EXOC6: variants seen among roughly 807,000 people sequenced by gnomAD.
EXOC6 encodes exocyst complex component 6, also known as SEC15-like 1.
EXOC6 carries 60 observed loss-of-function variants against 112.5 expected under a neutral mutation model. The ratio of observed to expected loss-of-function variants is 0.53; its 90% CI spans 0.43 to 0.66. The LOEUF (loss-of-function observed/expected upper bound fraction) is 0.66. Ranked by LOEUF, EXOC6 falls within the 30% of genes least tolerant of loss-of-function variation. The pLI is 0.00. For synonymous variants in EXOC6, 295 were observed against 308.0 expected, an observed-to-expected ratio of 0.96 and a Z score of 0.44; for missense variants, 855 against 957.1, an observed-to-expected ratio of 0.89 and a Z score of 1.41.
rs192166271 is a variant in EXOC6, at chr10:92,917,003, G to A, written c.819+1090G>A. Among the ~76,000 whole-genome samples, 1,170 of 148,950 alleles carry A rather than the reference G, an allele frequency of 7.9e-3. 8 individuals are homozygous for A. The highest frequency in any genetic ancestry group is 9.8e-3 in the Non-Finnish European group (660 of 67,472). On this transcript the variant is annotated intron_variant, in intron 7 of 21. Transcript: ENST00000260762. The stretch of plus-strand genomic sequence containing the variant: ...TTTTGAGACGGGTTCTCACTGTGTC[G>A]CCCAGGCTGGAGTGCAGTGGCGCTA...
chr10:92,955,307 A>G (rs1009148164), intron 16 of EXOC6, among the ~76,000 whole-genome samples: 2 of 152,118 alleles, frequency 1.3e-5, no homozygotes, highest in African/African-American at 4.8e-5. Context: ...TACTTGCTAA[A>G]TGTTTAAGAT....
At chr10:92,888,189 C>G (rs1849323456) in intron 1 of EXOC6, among the ~76,000 whole-genome samples, 2 of 152,176 alleles carry the variant, frequency 1.3e-5, no homozygotes, top group South Asian at 4.1e-4. Flanking sequence ...TTACCCCTCT[C>G]AGGCTTTGGT....
intron 9 of EXOC6, 107 bp from the exon 10 acceptor site, chr10:92,934,037 A>C: frequency 1.5e-6 from 1 of 655,906 alleles, no homozygotes; most frequent in Non-Finnish European, 2.6e-6. Flanking sequence ...CGTGGCATAT[A>C]GTAGACTCTC....
chr10:93,057,157 C>G, intron 21 of EXOC6, 121 bp downstream of exon 21: 1 of 530,570 alleles, frequency 1.9e-6, no homozygotes, highest in Non-Finnish European at 3.2e-6. Flanking sequence ...AAAGCTCACT[C>G]TAGTTTAATG....
intron 6 of EXOC6, among the ~76,000 whole-genome samples, 181 bp from the exon 7 acceptor site, chr10:92,915,565 ATTTTTTTTTTTT>A (rs1172917198): frequency 9.2e-6 from 1 of 109,244 alleles, no homozygotes; most frequent in Admixed American, 1.0e-4. Flanking sequence ...TGAGACCCTG[ATTTTTTTTTTTT>A]TTTTTTTTTT....
intron 18 of EXOC6, among the ~76,000 whole-genome samples, chr10:92,974,540 G>GCTCGTCTCCCTCTCC: frequency 8.9e-6 from 1 of 112,456 alleles, no homozygotes; most frequent in Non-Finnish European, 1.8e-5. Flanking sequence ...TAACACAATT[G>GCTCGTCTCCCTCTCC]CTCGTCTCCC....
At chr10:92,941,403 A>C (rs1852661263) in intron 13 of EXOC6, among the ~76,000 whole-genome samples, 1 of 152,182 alleles carries the variant, frequency 6.6e-6, no homozygotes, top group Non-Finnish European at 1.5e-5. Flanking sequence ...CAGTATACAT[A>C]TATCTGTTTG....
chr10:92,975,459 C>G (rs1214999924), intron 18 of EXOC6, among the ~76,000 whole-genome samples: 1 of 150,202 alleles, frequency 6.7e-6, no homozygotes, highest in Admixed American at 6.6e-5. Flanking sequence ...GCAGCCGCCC[C>G]GTCCGGGAGG....
chr10:92,947,869 A>G (rs941313202), intron 13 of EXOC6, among the ~76,000 whole-genome samples: 1 of 152,114 alleles, frequency 6.6e-6, no homozygotes, highest in African/African-American at 2.4e-5. Context: ...ACACCACTGC[A>G]CTCCAGCCTG....
chr10:92,948,252 T>C, intron 13 of EXOC6, 22 bp from the exon 14 acceptor site: 2 of 1,474,628 alleles, frequency 1.4e-6, no homozygotes, highest in Non-Finnish European at 1.9e-6. Flanking sequence ...ATGATAAGTT[T>C]TCAATTTTCC....
intron 20 of EXOC6, among the ~76,000 whole-genome samples, chr10:93,017,920 G>A (rs754509008): frequency 4.0e-5 from 6 of 150,382 alleles, no homozygotes; most frequent in Admixed American, 2.7e-4. Context: ...TGAGGCAGGG[G>A]AATCACTTGA....
At chr10:92,907,753 A>C (rs944103896) in intron 5 of EXOC6, among the ~76,000 whole-genome samples, 2 of 152,192 alleles carry the variant, frequency 1.3e-5, no homozygotes, top group Non-Finnish European at 2.9e-5. Context: ...AATGTTATGC[A>C]TTACACTGAA....
upstream of EXOC6, among the ~76,000 whole-genome samples, chr10:92,846,463 A>G (rs1042212176): frequency 1.3e-5 from 2 of 152,202 alleles, no homozygotes; most frequent in Admixed American, 6.5e-5. Flanking sequence ...CTCTGGGATT[A>G]TAGGTGTGAG....
chr10:92,902,921 A>C (rs2133850401), intron 5 of EXOC6, among the ~76,000 whole-genome samples: 1 of 152,088 alleles, frequency 6.6e-6, no homozygotes, highest in African/African-American at 2.4e-5. Flanking sequence ...TTATTGCTAG[A>C]ATTTGTTTAT....
At chr10:92,884,666 C>A (rs1475404791) in intron 1 of EXOC6, among the ~76,000 whole-genome samples, 1 of 152,128 alleles carries the variant, frequency 6.6e-6, no homozygotes, top group African/African-American at 2.4e-5. Context: ...AAAGTGTAGA[C>A]ATTATTTTAG....
At chr10:92,896,101 A>ATATATGTGTG (rs1271625409) in intron 4 of EXOC6, among the ~76,000 whole-genome samples, 4 of 35,624 alleles carry the variant, frequency 1.1e-4, no homozygotes, top group African/African-American at 1.5e-4. Context: ...ATATGTGTGT[A>ATATATGTGTG]TATATATGTG....
chr10:92,847,794 G>C (rs990636726), upstream of EXOC6, among the ~76,000 whole-genome samples: 3 of 146,572 alleles, frequency 2.0e-5, no homozygotes, highest in Non-Finnish European at 4.5e-5. Flanking sequence ...GGGGGCACCT[G>C]AGTTCACGGA....
Position 92,934,397 on chromosome 10 carries a change from C to T in EXOC6, c.1107C>T (p.Leu369=), listed in dbSNP as rs747664948. 12 of 1,600,042 alleles carry T rather than the reference C, an allele frequency of 7.5e-6. No homozygotes were observed. The South Asian group carries it at 1.4e-4, about 18-fold the overall frequency. Residue 369 remains leucine (L), a synonymous_variant, in exon 11 of 22, where the codon CTC becomes CTT. Transcript: ENST00000260762. ...AYTDELWNMA[L]SKIIAVLRAH... The stretch of plus-strand genomic sequence containing the variant: ...CTGATGAACTTTGGAACATGGCCCT[C>T]TCAAAGATAATTGCTGTCCTTAGAG...
intron 12 of EXOC6, 112 bp from the exon 13 acceptor site, chr10:92,940,615 C>A: frequency 1.5e-6 from 1 of 649,372 alleles, no homozygotes; most frequent in Non-Finnish European, 2.6e-6. Flanking sequence ...GTGAGAATGG[C>A]ATGCAATGGG....
Sources: gnomAD v4.1 joint callset for allele counts (sites outside exome capture counted in the v4.1 genomes callset) on GRCh38, gnomAD v4.1.1 for gene constraint, MANE v1.5 for transcripts, NCBI Gene and HGNC (gene_info 2026-07-23, HGNC 2026-07-21) for gene names.